UBE2O: variants seen among roughly 807,000 people sequenced by gnomAD.
The protein encoded by UBE2O is (E3-independent) E2 ubiquitin-conjugating enzyme.
A neutral mutation model predicts 125.8 loss-of-function variants in UBE2O; 15 were observed. The ratio of observed to expected loss-of-function variants is 0.12; its 90% CI spans 0.08 to 0.18. The LOEUF (loss-of-function observed/expected upper bound fraction) is 0.18. Among genes scored for constraint, UBE2O ranks in the 10% least tolerant of loss-of-function variants. The pLI is 1.00. For missense variants in UBE2O, 1,280 were observed against 1,723.6 expected (o/e 0.74, Z 4.56); for synonymous variants, 708 against 703.2 (o/e 1.01, Z -0.11).
intron 1 of UBE2O, among the ~76,000 whole-genome samples, chr17:76,409,626 C>G (rs1277204174): frequency 6.6e-6 from 1 of 152,088 alleles, no homozygotes; most frequent in African/African-American, 2.4e-5. Flanking sequence ...CAACTCCTGA[C>G]CCCATGACCT....
chr17:76,415,861 A>G (rs534411060), intron 1 of UBE2O, among the ~76,000 whole-genome samples: 3 of 151,888 alleles, frequency 2.0e-5, no homozygotes, highest in South Asian at 2.1e-4. Context: ...AAATATATAT[A>G]CATACATGTA....
At chr17:76,435,868 CA>C (rs1257085907) in intron 1 of UBE2O, among the ~76,000 whole-genome samples, 28 of 152,344 alleles carry the variant, frequency 1.8e-4, no homozygotes, top group Middle Eastern at 3.4e-3. Flanking sequence ...AAACAGTTAG[CA>C]AAAGGCCCAG....
chr17:76,445,365 T>C (rs2073135292), intron 1 of UBE2O, among the ~76,000 whole-genome samples: 2 of 152,180 alleles, frequency 1.3e-5, no homozygotes, highest in South Asian at 4.1e-4. Flanking sequence ...TCCTTTGACT[T>C]AGCTGCAGAA....
Position 76,452,631 on chromosome 17 carries a change from G to C in UBE2O, c.417+94C>G. 8.3e-7 allele frequency: 1 copy of C among 1,201,486 alleles called. No individual in the cohort carries two copies. The highest frequency in any genetic ancestry group is 1.1e-6 in the Non-Finnish European group (1 of 942,196). 74.4% of individuals were successfully genotyped at this position (1,201,486 alleles called of 1,614,324 possible). On this transcript the variant is annotated intron_variant, in intron 1 of 17. Coordinates refer to ENST00000319380, the MANE Select transcript of UBE2O (RefSeq NM_022066.4). This position sits in a 1 kb window ranked among gnomAD's most constrained non-coding sequence, Gnocchi z 4.4. ...CCGCGTCGGCCACTGCAGTGGCACC[G>C]CTCCGGGCAGGGCCCTGCACGCCGT...
chr17:76,415,832 T>C (rs1225579585), intron 1 of UBE2O, among the ~76,000 whole-genome samples: 2 of 150,594 alleles, frequency 1.3e-5, no homozygotes, highest in South Asian at 2.1e-4. Context: ...TGTGTGTGCA[T>C]ACACATATAT....
At chr17:76,437,048 C>G (rs2073007656) in intron 1 of UBE2O, among the ~76,000 whole-genome samples, 3 of 151,752 alleles carry the variant, frequency 2.0e-5, no homozygotes. Context: ...GCTCAGGAGG[C>G]TGAGGCAGGA....
rs2072249214 is a variant in UBE2O, at chr17:76,398,147, A to G, written c.2025+108T>C. The G allele has an allele frequency of 1.4e-6, 2 of 1,480,612 alleles. No homozygotes were observed. The highest frequency in any genetic ancestry group is 4.5e-5 in the East Asian group (2 of 44,120). 91.7% of individuals were successfully genotyped at this position (1,480,612 alleles called of 1,614,324 possible). A position where few individuals can be genotyped will look rare whatever the true frequency, so the allele number is the denominator to read the frequency against. On this transcript the variant is annotated intron_variant, in intron 12 of 17. Transcript: ENST00000319380. This position sits in a 1 kb window ranked among gnomAD's most constrained non-coding sequence, Gnocchi z 5.4. ...GCCCTTCTGAGGACACTGAGCCCAGAGGACTTTCAGGTCTTGTCTCCTAGA... is the reference window on the plus strand; with the variant it reads ...GCCCTTCTGAGGACACTGAGCCCAGGGGACTTTCAGGTCTTGTCTCCTAGA...
chr17:76,392,363 G>C (rs1457161295), intron 15 of UBE2O, among the ~76,000 whole-genome samples: 1 of 152,008 alleles, frequency 6.6e-6, no homozygotes, highest in East Asian at 1.9e-4. Context: ...GAGTACACTA[G>C]TGCAATAATG....
chr17:76,393,640 C>T (rs535554759), intron 15 of UBE2O, among the ~76,000 whole-genome samples: 8 of 152,312 alleles, frequency 5.3e-5, no homozygotes, highest in African/African-American at 1.9e-4. Context: ...AAAGGCAGTT[C>T]CAGGCTGGTG....
chr17:76,391,357 G>C lies in UBE2O; in HGVS notation c.3465C>G (p.Ala1155=), dbSNP rs2072110689. ...TGGGCACCCCGTTGGGCAGTGCCTGGGCCTTCTCCAGCAGGGCATGGGTTT... is the reference window on the plus strand; with the variant it reads ...TGGGCACCCCGTTGGGCAGTGCCTGCGCCTTCTCCAGCAGGGCATGGGTTT... ...WLETHALLEK[A]QALPNGVPKA... Residue 1155 remains alanine, a synonymous_variant, in exon 18 of 18, where the codon GCC becomes GCG. Transcript: ENST00000319380. The surrounding 1 kb of genome is among the most constrained non-coding windows in gnomAD (Gnocchi z 8.4). The C allele has an allele frequency of 1.9e-6, 3 of 1,613,058 alleles. No homozygotes were observed. In the African/African-American group the frequency reaches 4.0e-5, roughly 22 times the overall value.
chr17:76,442,424 C>A (rs2073088538), intron 1 of UBE2O, among the ~76,000 whole-genome samples: 3 of 152,156 alleles, frequency 2.0e-5, no homozygotes, highest in African/African-American at 7.2e-5. Context: ...CAGCACAGAC[C>A]ACAGGGCATC....
At chr17:76,435,429 C>CACACACAT (rs2072978731) in intron 1 of UBE2O, among the ~76,000 whole-genome samples, 1 of 150,762 alleles carries the variant, frequency 6.6e-6, no homozygotes, top group Non-Finnish European at 1.5e-5. Flanking sequence ...CACACACACA[C>CACACACAT]ACACACACAC....
chr17:76,437,149 TAAA>T (rs35867938), intron 1 of UBE2O, among the ~76,000 whole-genome samples: 1 of 129,106 alleles, frequency 7.7e-6, no homozygotes. Context: ...ACTCCATCTT[TAAA>T]AAAAAAAAAA....
rs202081283 is a variant in UBE2O at position 76,402,699 on chromosome 17, G to A, written c.589C>T (p.Pro197Ser). Residue 197 changes from proline (P) to serine (S), a missense_variant and splice_region_variant, in exon 4 of 18, where the codon CCC becomes TCC. This residue lies in a region of UBE2O where 206 missense variants were observed against 315.7 expected (regional missense o/e 0.65). Coordinates refer to ENST00000319380, the MANE Select transcript of UBE2O (RefSeq NM_022066.4). The surrounding 1 kb of genome is among the most constrained non-coding windows in gnomAD (Gnocchi z 5.4). The part of the protein sequence containing the change: ...VNSKDLQHIW[P>S]FMYGDYIAYD... ...GCAATGTAGTCCCCATACATGAAGG[G>A]CTGCAGACCAAGGAGGCAGGGGCAG... 2.5e-5 allele frequency: 41 copies of A among 1,613,662 alleles called. No homozygotes were observed. The highest frequency in any genetic ancestry group is 3.3e-5 in the Non-Finnish European group (39 of 1,179,698).
At chr17:76,444,748 G>A (rs1237528635) in intron 1 of UBE2O, among the ~76,000 whole-genome samples, 3 of 152,172 alleles carry the variant, frequency 2.0e-5, no homozygotes, top group Non-Finnish European at 4.4e-5. Context: ...CACACTGGGG[G>A]ACCAGAGAAA....
At chr17:76,431,236 C>T (rs1011123970) in intron 1 of UBE2O, 1 of 154,906 alleles carries the variant, frequency 6.5e-6, no homozygotes, top group Non-Finnish European at 1.4e-5. Context: ...CAAAAGCCGG[C>T]CACGGTGGCT....
intron 15 of UBE2O, among the ~76,000 whole-genome samples, chr17:76,392,365 G>A (rs2072128366): frequency 6.6e-6 from 1 of 152,010 alleles, no homozygotes; most frequent in African/African-American, 2.4e-5. Flanking sequence ...GTACACTAGT[G>A]CAATAATGGC....
Position 76,452,609 on chromosome 17 carries a change from C to T in UBE2O, c.417+116G>A. 1 of 975,990 alleles carries T rather than the reference C, an allele frequency of 1.0e-6. No homozygotes were observed. Among genetic ancestry groups the T allele is most frequent in the Non-Finnish European group, 1.4e-6 (1 of 739,582 alleles). The allele number at this position is 975,990 out of a possible 1,614,324, so 60.5% of individuals were successfully genotyped here. ...ACCCTCCACTGGGGCTGTCCTCCCG[C>T]GTCGGCCACTGCAGTGGCACCGCTC... On this transcript the variant is annotated intron_variant, in intron 1 of 17. Coordinates refer to ENST00000319380, the MANE Select transcript of UBE2O (RefSeq NM_022066.4). The surrounding 1 kb of genome is among the most constrained non-coding windows in gnomAD (Gnocchi z 4.4).
intron 1 of UBE2O, among the ~76,000 whole-genome samples, chr17:76,409,357 TAAGCC>T (rs1179490008): frequency 2.6e-5 from 4 of 151,750 alleles, no homozygotes; most frequent in African/African-American, 9.7e-5. Context: ...ACAGTGTCTC[TAAGCC>T]AGAAGGGGTG....
Sources: allele counts gnomAD v4.1 joint callset (sites outside exome capture counted in the v4.1 genomes callset), GRCh38; gene constraint gnomAD v4.1.1; regional missense constraint gnomAD v4.1.1; non-coding constraint Gnocchi (gnomAD v3.1); transcripts MANE v1.5; gene names NCBI Gene and HGNC (gene_info 2026-07-23, HGNC 2026-07-21).